RAP1GAP2: variants seen among roughly 807,000 people sequenced by gnomAD.
RAP1GAP2 encodes the protein RAP1 GTPase activating protein 2, also known as rap1 GTPase-activating protein 2.
RAP1GAP2 carries 27 observed loss-of-function variants against 95.0 expected under a neutral mutation model. The observed-to-expected ratio is 0.28, with a 90% confidence interval of 0.21 to 0.39. The LOEUF (loss-of-function observed/expected upper bound fraction) is 0.39, where lower values mean the gene tolerates loss of function less well. RAP1GAP2 is among the 10% of genes least tolerant of loss of function. RAP1GAP2 has a pLI of 1.00. For synonymous variants in RAP1GAP2, 373 were observed against 380.9 expected (o/e 0.98, Z 0.24); for missense variants, 771 against 970.0 (o/e 0.79, Z 2.72).
intron 2 of RAP1GAP2, among the ~76,000 whole-genome samples, chr17:2,861,642 AT>A (rs112820140): frequency 0.21 from 23,258 of 109,814 alleles, 1,968 homozygotes; most frequent in African/African-American, 0.33. Context: ...TAATTTTTGT[AT>A]TTTTTTTGGG....
At chr17:2,768,756 G>C (rs1000375994) in intron 1 of RAP1GAP2, among the ~76,000 whole-genome samples, 1 of 151,782 alleles carries the variant, frequency 6.6e-6, no homozygotes, top group Non-Finnish European at 1.5e-5. Flanking sequence ...GGAGGGGTTG[G>C]CCAAGGTAGG....
rs1050962633 is a variant in RAP1GAP2, at chr17:2,827,361, G to A, written c.80+26811G>A. 1.3e-5 allele frequency among the ~76,000 whole-genome samples: 2 copies of A among 152,144 alleles called. No homozygotes were observed. Among genetic ancestry groups the A allele is most frequent in the Non-Finnish European group, 2.9e-5 (2 of 68,034 alleles). ...GGGTTTTGTGGCACTTTCTAGTCAG[G>A]GAGGCAGATGAGAACAGAATGAAGA... On this transcript the variant is annotated intron_variant, in intron 2 of 24. Coordinates refer to ENST00000254695, the MANE Select transcript of RAP1GAP2 (RefSeq NM_015085.5). The surrounding 1 kb of genome is among the most constrained non-coding windows in gnomAD (Gnocchi z 4.1).
chr17:2,900,204 T>C (rs1486402407), intron 2 of RAP1GAP2, among the ~76,000 whole-genome samples: 1 of 152,190 alleles, frequency 6.6e-6, no homozygotes, highest in African/African-American at 2.4e-5. Context: ...GTTTTTCCTG[T>C]GGTTGATTAT....
At chr17:2,795,955 C>T (rs1472136871), upstream of RAP1GAP2, among the ~76,000 whole-genome samples, 6 of 152,126 alleles carry the variant, frequency 3.9e-5, no homozygotes, top group East Asian at 1.9e-4. Context: ...TGTGCCCATG[C>T]GTGTGCATGT....
intron 11 of RAP1GAP2, among the ~76,000 whole-genome samples, chr17:2,990,069 C>T (rs59702401): frequency 0.03 from 4,633 of 152,310 alleles, 248 homozygotes; most frequent in East Asian, 0.23. Context: ...TGTATCAGCA[C>T]GTTGTTCCTT....
chr17:2,955,989 A>C (rs1182821742), intron 3 of RAP1GAP2, among the ~76,000 whole-genome samples: 1 of 152,180 alleles, frequency 6.6e-6, no homozygotes, highest in Non-Finnish European at 1.5e-5. Context: ...GGATTGTTAG[A>C]CGTGGAATCG....
chr17:2,768,132 C>T (rs1345452166), intron 1 of RAP1GAP2, among the ~76,000 whole-genome samples: 9 of 152,272 alleles, frequency 5.9e-5, no homozygotes, highest in South Asian at 4.1e-4. Context: ...GACAATCCCA[C>T]AGCAAGCATT....
Position 2,796,697 on chromosome 17 carries a change from G to C in RAP1GAP2, c.44+126G>C, listed in dbSNP as rs1271196330. On this transcript the variant is annotated intron_variant, in intron 1 of 24. Transcript: ENST00000254695. This position sits in a 1 kb window ranked among gnomAD's most constrained non-coding sequence, Gnocchi z 4.7. ...GTGCCTGAGAGCTGGGTCTGCTGAC[G>C]CCCTGGCAGGTCGAGATGCAGGATC... 9.2e-7 allele frequency: 1 copy of C among 1,091,048 alleles called. No homozygotes were observed. Among genetic ancestry groups the C allele is most frequent in the Non-Finnish European group, 1.4e-6 (1 of 733,848 alleles). 67.6% of individuals were successfully genotyped at this position (1,091,048 alleles called of 1,614,324 possible). A position where few individuals can be genotyped will look rare whatever the true frequency, so the allele number is the denominator to read the frequency against.
In RAP1GAP2 at chr17:2,988,817, T is replaced by G. The variant is rs528615383; in HGVS notation, c.814-2480T>G. The stretch of plus-strand genomic sequence containing the variant: ...TGGCTCACGCCTGTAATCCCAGCAC[T>G]TTGGGAGGCCGAGGTGGGCGGATCA... On this transcript the variant is annotated intron_variant, in intron 11 of 24. Coordinates refer to ENST00000254695, the MANE Select transcript of RAP1GAP2 (RefSeq NM_015085.5). 3.4e-3 allele frequency among the ~76,000 whole-genome samples: 523 copies of G among 152,314 alleles called. 1 individual carries two copies. The highest frequency in any genetic ancestry group is 0.012 in the African/African-American group (499 of 41,564).
chr17:2,914,700 C>T (rs1351522550), intron 3 of RAP1GAP2, among the ~76,000 whole-genome samples: 2 of 150,832 alleles, frequency 1.3e-5, no homozygotes, highest in African/African-American at 4.9e-5. Flanking sequence ...CCGTGTTAGC[C>T]AGGATGGTCT....
chr17:2,940,825 T>C (rs984122328), intron 3 of RAP1GAP2, among the ~76,000 whole-genome samples: 1 of 152,178 alleles, frequency 6.6e-6, no homozygotes, highest in African/African-American at 2.4e-5. Flanking sequence ...TTTTCTTGCC[T>C]TTCTTCTCCC....
At chr17:2,763,894 G>A (rs1323697506) in intron 1 of RAP1GAP2, among the ~76,000 whole-genome samples, 2 of 151,912 alleles carry the variant, frequency 1.3e-5, no homozygotes, top group African/African-American at 4.8e-5. Flanking sequence ...GAGTGAGCCT[G>A]CTCTTCTTTC....
chr17:2,786,086 A>G (rs2068766782), intron 1 of RAP1GAP2, among the ~76,000 whole-genome samples: 1 of 151,844 alleles, frequency 6.6e-6, no homozygotes. Context: ...TTTTTAGGAG[A>G]GACGGGGTTT....
At position 2,796,478 on chromosome 17, in the gene RAP1GAP2, G is replaced by A. The variant is rs752063875; in HGVS notation, c.-50G>A. The A allele has an allele frequency of 4.5e-6, 7 of 1,549,052 alleles. No individual in the cohort carries two copies. The Admixed American group carries it at 5.9e-5, about 13-fold the overall frequency. On this transcript the variant is annotated 5_prime_UTR_variant, in exon 1 of 25. Coordinates refer to ENST00000254695, the MANE Select transcript of RAP1GAP2 (RefSeq NM_015085.5). The surrounding 1 kb of genome is among the most constrained non-coding windows in gnomAD (Gnocchi z 4.7). ...CCACGGCCCTCTTGCGGACAGCCCC[G>A]GGGACGTCGTTGGGACATCGCTGGG...
At chr17:2,881,273 AAG>A (rs1491286207) in intron 2 of RAP1GAP2, among the ~76,000 whole-genome samples, 1 of 152,006 alleles carries the variant, frequency 6.6e-6, no homozygotes, top group African/African-American at 2.4e-5. Flanking sequence ...AAAAAAAAAA[AAG>A]AAAAAATGTG....
At chr17:2,941,918 G>A (rs2043514553) in intron 3 of RAP1GAP2, among the ~76,000 whole-genome samples, 1 of 152,076 alleles carries the variant, frequency 6.6e-6, no homozygotes, top group Non-Finnish European at 1.5e-5. Flanking sequence ...CCTGACCTCA[G>A]GTGATCCACC....
intron 2 of RAP1GAP2, among the ~76,000 whole-genome samples, chr17:2,873,825 C>T (rs184445443): frequency 1.5e-4 from 23 of 152,142 alleles, no homozygotes; most frequent in South Asian, 6.2e-4. Context: ...TGCAGTGGCG[C>T]GATCTCAGCT....
At chr17:2,987,498 A>G (rs551336119) in intron 11 of RAP1GAP2, among the ~76,000 whole-genome samples, 18 of 152,068 alleles carry the variant, frequency 1.2e-4, no homozygotes, top group Non-Finnish European at 2.1e-4. Flanking sequence ...AGCAGCTGGG[A>G]TTACAGGCAG....
At chr17:2,842,215 T>C (rs1304367405) in intron 2 of RAP1GAP2, among the ~76,000 whole-genome samples, 1 of 152,156 alleles carries the variant, frequency 6.6e-6, no homozygotes, top group Non-Finnish European at 1.5e-5. Context: ...TGAAACAAGT[T>C]ACACTCCTTT....
Sources: allele counts gnomAD v4.1 joint callset (sites outside exome capture counted in the v4.1 genomes callset), GRCh38; gene constraint gnomAD v4.1.1; non-coding constraint Gnocchi (gnomAD v3.1); transcripts MANE v1.5; gene names NCBI Gene and HGNC (gene_info 2026-07-23, HGNC 2026-07-21).